TMEM108: variants seen among roughly 807,000 people sequenced by gnomAD.
TMEM108 encodes the protein cancer/testis antigen 124.
Under a neutral mutation model 35.1 loss-of-function variants are expected in TMEM108, and 12 were observed. That is an observed-to-expected ratio of 0.34 (90% CI 0.22 to 0.55). The LOEUF (loss-of-function observed/expected upper bound fraction) is 0.55, where lower values mean the gene tolerates loss of function less well. TMEM108 is among the 20% of genes least tolerant of loss of function. The pLI, the probability that TMEM108 is intolerant of heterozygous loss-of-function variation, is 0.89. For missense variants in TMEM108, 680 were observed against 753.3 expected (o/e 0.90, Z 1.14); for synonymous variants, 287 against 308.6 (o/e 0.93, Z 0.73).
intron 2 of TMEM108, among the ~76,000 whole-genome samples, chr3:133,200,049 C>G (rs1945638860): frequency 6.6e-6 from 1 of 152,192 alleles, no homozygotes. Context: ...GCTCCATGGG[C>G]ATGGGACCCT....
chr3:133,163,396 G>T (rs574164598), intron 2 of TMEM108, among the ~76,000 whole-genome samples: 1 of 152,312 alleles, frequency 6.6e-6, no homozygotes, highest in African/African-American at 2.4e-5. Flanking sequence ...GCATGGTGTT[G>T]TCCAACCAAC....
chr3:133,268,269 G>C (rs1264075744), intron 3 of TMEM108, among the ~76,000 whole-genome samples: 2 of 152,226 alleles, frequency 1.3e-5, no homozygotes, highest in Non-Finnish European at 2.9e-5. Flanking sequence ...AATCCAGCAA[G>C]ATCATGTGGG....
intron 2 of TMEM108, among the ~76,000 whole-genome samples, chr3:133,065,687 A>C (rs57066590): frequency 0.24 from 36,908 of 152,148 alleles, 5,328 homozygotes; most frequent in Non-Finnish European, 0.32. Context: ...ATTTATGTCC[A>C]TATGGCATTC....
intron 2 of TMEM108, among the ~76,000 whole-genome samples, chr3:133,065,094 T>G (rs533290967): frequency 6.6e-6 from 1 of 152,188 alleles, no homozygotes; most frequent in Non-Finnish European, 1.5e-5. Flanking sequence ...ATCTCACCAT[T>G]TGGGAAGGCA....
chr3:133,387,137 G>A, intron 4 of TMEM108: 1 of 985,428 alleles, frequency 1.0e-6, no homozygotes, highest in Non-Finnish European at 1.2e-6. Context: ...TTTCTTTCTA[G>A]ATCTCTCTTG....
intron 3 of TMEM108, among the ~76,000 whole-genome samples, chr3:133,233,906 A>G (rs1946193679): frequency 6.6e-6 from 1 of 151,532 alleles, no homozygotes; most frequent in Non-Finnish European, 1.5e-5. Context: ...TTTCTTGTAA[A>G]TTTGTTTGAG....
chr3:133,316,739 C>G (rs889803157), intron 3 of TMEM108, among the ~76,000 whole-genome samples: 14 of 152,214 alleles, frequency 9.2e-5, no homozygotes, highest in African/African-American at 3.1e-4. Context: ...TGGCAAGGTC[C>G]CCAGGGACCC....
intron 3 of TMEM108, among the ~76,000 whole-genome samples, chr3:133,378,955 G>A (rs1039197383): frequency 1.3e-5 from 2 of 152,124 alleles, no homozygotes. Flanking sequence ...TTTGTAGAAG[G>A]CACCTTCTGT....
At chr3:133,129,158 A>G (rs1244144640) in intron 2 of TMEM108, among the ~76,000 whole-genome samples, 2 of 152,170 alleles carry the variant, frequency 1.3e-5, no homozygotes, top group Non-Finnish European at 2.9e-5. Context: ...CAGCCTGGCC[A>G]ACATGGTGAA....
chr3:133,127,085 A>C (rs1944426819), intron 2 of TMEM108, among the ~76,000 whole-genome samples: 1 of 152,134 alleles, frequency 6.6e-6, no homozygotes, highest in Non-Finnish European at 1.5e-5. Context: ...CACTTACAGC[A>C]CATCTCAATT....
At chr3:133,374,714 C>T (rs1157465489) in intron 3 of TMEM108, among the ~76,000 whole-genome samples, 4 of 151,950 alleles carry the variant, frequency 2.6e-5, no homozygotes, top group Admixed American at 6.6e-5. Flanking sequence ...CAAGCTCCCC[C>T]GGTTACTTGC....
At chr3:133,239,679 C>CT (rs1304025493) in intron 3 of TMEM108, among the ~76,000 whole-genome samples, 2 of 152,194 alleles carry the variant, frequency 1.3e-5, no homozygotes, top group Non-Finnish European at 2.9e-5. Context: ...AATTACATGT[C>CT]TAAGTCTCTA....
At chr3:133,117,185 A>G (rs908641313) in intron 2 of TMEM108, among the ~76,000 whole-genome samples, 2 of 152,238 alleles carry the variant, frequency 1.3e-5, no homozygotes, top group Admixed American at 6.5e-5. Flanking sequence ...TAGAATATAC[A>G]GCATCAAACA....
At chr3:133,238,375 G>T (rs2107658620) in intron 3 of TMEM108, among the ~76,000 whole-genome samples, 1 of 152,286 alleles carries the variant, frequency 6.6e-6, no homozygotes, top group East Asian at 1.9e-4. Flanking sequence ...AATCTAAGAT[G>T]CTAGTAGTTT....
Position 133,092,678 on chromosome 3 carries a change from A to G in TMEM108, c.-47+46658A>G, listed in dbSNP as rs1394980750. 2.6e-5 allele frequency among the ~76,000 whole-genome samples: 4 copies of G among 152,158 alleles called. No individual in the cohort carries two copies. The East Asian group carries it at 5.8e-4, about 22-fold the overall frequency. On this transcript the variant is annotated intron_variant, in intron 2 of 5. Coordinates refer to ENST00000321871, the MANE Select transcript of TMEM108 (RefSeq NM_023943.4). The stretch of plus-strand genomic sequence containing the variant: ...TCCTAATTCATGGTATAGTCTTGAT[A>G]ATGTTAATAGCAGCAAAATCATTTT...
chr3:133,133,296 C>T (rs1944516014), intron 2 of TMEM108, among the ~76,000 whole-genome samples: 1 of 152,198 alleles, frequency 6.6e-6, no homozygotes, highest in Non-Finnish European at 1.5e-5. Flanking sequence ...AGTCAGCAGT[C>T]ATCAACATTG....
chr3:133,372,974 T>C (rs2072720250), intron 3 of TMEM108, among the ~76,000 whole-genome samples: 1 of 152,230 alleles, frequency 6.6e-6, no homozygotes. Context: ...AGGGAAACCA[T>C]GCTCCAAGGA....
chr3:133,094,518 A>G (rs565696401), intron 2 of TMEM108, among the ~76,000 whole-genome samples: 147 of 152,328 alleles, frequency 9.7e-4, no homozygotes, highest in African/African-American at 3.3e-3. Flanking sequence ...CGATAAAACA[A>G]GACATGCTGT....
intron 2 of TMEM108, among the ~76,000 whole-genome samples, chr3:133,064,660 CAT>C (rs1227893227): frequency 6.6e-6 from 1 of 150,550 alleles, no homozygotes. Flanking sequence ...ATTTTCAAAA[CAT>C]AGTGAAGGAC....
Sources: allele counts gnomAD v4.1 joint callset (sites outside exome capture counted in the v4.1 genomes callset), GRCh38; gene constraint gnomAD v4.1.1; transcripts MANE v1.5; gene names NCBI Gene and HGNC (gene_info 2026-07-23, HGNC 2026-07-21).